CMSS1: variants seen among roughly 807,000 people sequenced by gnomAD.
CMSS1 encodes the protein cms1 ribosomal small subunit homolog, also known as protein CMSS1.
CMSS1 carries 33 observed loss-of-function variants against 43.5 expected under a neutral mutation model. That is an observed-to-expected ratio of 0.76 (90% CI 0.57 to 1.01). CMSS1 has a LOEUF of 1.01. Among genes scored for constraint, CMSS1 ranks in the 50% least tolerant of loss-of-function variants. The pLI is 0.00. For missense variants in CMSS1, 313 were observed against 326.4 expected, an observed-to-expected ratio of 0.96 and a Z score of 0.32; for synonymous variants, 115 against 117.2, an observed-to-expected ratio of 0.98 and a Z score of 0.12.
At chr3:99,822,277 C>T (rs943743354) in intron 1 of CMSS1, among the ~76,000 whole-genome samples, 2 of 152,310 alleles carry the variant, frequency 1.3e-5, no homozygotes, top group East Asian at 3.9e-4. Context: ...ATGTTCTTAG[C>T]AGTCTGTAAC....
intron 1 of CMSS1, among the ~76,000 whole-genome samples, chr3:100,124,949 C>T (rs1483035068): frequency 6.6e-6 from 1 of 152,160 alleles, no homozygotes; most frequent in African/African-American, 2.4e-5. Flanking sequence ...TGCACAATCC[C>T]TCAGGCACTG....
chr3:99,889,442 T>G (rs1391115834), intron 1 of CMSS1, among the ~76,000 whole-genome samples: 1 of 152,124 alleles, frequency 6.6e-6, no homozygotes, highest in African/African-American at 2.4e-5. Flanking sequence ...CCTTTTACTT[T>G]CAGCTTTACC....
intron 1 of CMSS1, among the ~76,000 whole-genome samples, chr3:99,868,598 A>G (rs944792724): frequency 3.9e-5 from 6 of 152,250 alleles, no homozygotes; most frequent in African/African-American, 7.2e-5. Context: ...TCCTTTCTGC[A>G]TAAGTCCAGG....
intron 1 of CMSS1, among the ~76,000 whole-genome samples, chr3:99,859,906 T>A (rs1488923410): frequency 6.6e-6 from 1 of 152,242 alleles, no homozygotes; most frequent in African/African-American, 2.4e-5. Context: ...ATTCTGTGTA[T>A]GCTGCTTCCT....
chr3:100,171,395 A>C (rs557143805), intron 6 of CMSS1, among the ~76,000 whole-genome samples: 1 of 151,912 alleles, frequency 6.6e-6, no homozygotes, highest in South Asian at 2.1e-4. Flanking sequence ...TGGCCACCAC[A>C]GGCAGACCTT....
chr3:100,142,220 T>A (rs1327666643), intron 1 of CMSS1, among the ~76,000 whole-genome samples: 1 of 152,156 alleles, frequency 6.6e-6, no homozygotes, highest in Non-Finnish European at 1.5e-5. Context: ...GTGCCACACA[T>A]CTTTAAAAAT....
chr3:99,903,545 C>T (rs568537009), intron 1 of CMSS1, among the ~76,000 whole-genome samples: 11 of 152,136 alleles, frequency 7.2e-5, no homozygotes, highest in African/African-American at 1.9e-4. Flanking sequence ...CCACCGCGCC[C>T]GGCCATGTAT....
chr3:99,933,405 G>A (rs942340530), intron 1 of CMSS1, among the ~76,000 whole-genome samples: 1 of 152,160 alleles, frequency 6.6e-6, no homozygotes, highest in Non-Finnish European at 1.5e-5. Flanking sequence ...AGGAATGGGA[G>A]GTTGGGGATG....
chr3:99,955,974 C>T (rs1708309371), intron 1 of CMSS1, among the ~76,000 whole-genome samples: 2 of 152,156 alleles, frequency 1.3e-5, no homozygotes, highest in Non-Finnish European at 2.9e-5. Flanking sequence ...GCCTAACTCC[C>T]GGACTTGACC....
chr3:99,998,023 C>G (rs1336578218), intron 1 of CMSS1, among the ~76,000 whole-genome samples: 2 of 152,182 alleles, frequency 1.3e-5, no homozygotes, highest in African/African-American at 2.4e-5. Context: ...AACCAGTTAA[C>G]TGGTGTGGAA....
chr3:99,838,903 T>A (rs1354249258), intron 1 of CMSS1, among the ~76,000 whole-genome samples: 1 of 152,170 alleles, frequency 6.6e-6, no homozygotes, highest in African/African-American at 2.4e-5. Flanking sequence ...ACACAGAGAC[T>A]CCCTAGTGCT....
At chr3:99,866,829 A>G (rs1355965160) in intron 1 of CMSS1, among the ~76,000 whole-genome samples, 1 of 152,138 alleles carries the variant, frequency 6.6e-6, no homozygotes, top group Non-Finnish European at 1.5e-5. Flanking sequence ...CAGGTGGAAA[A>G]GTTTTATTCT....
At chr3:99,950,795 AG>A (rs1281216759) in intron 1 of CMSS1, among the ~76,000 whole-genome samples, 1 of 152,200 alleles carries the variant, frequency 6.6e-6, no homozygotes, top group Non-Finnish European at 1.5e-5. Context: ...CTGGAGACTT[AG>A]GTAAATATTC....
chr3:99,883,008 A>G (rs532563556), intron 1 of CMSS1, among the ~76,000 whole-genome samples: 18 of 150,192 alleles, frequency 1.2e-4, no homozygotes, highest in African/African-American at 3.1e-4. Context: ...ATGCTTGCCA[A>G]TTGGGGGTTC....
intron 1 of CMSS1, among the ~76,000 whole-genome samples, chr3:99,844,262 A>G (rs956209553): frequency 3.3e-5 from 5 of 152,176 alleles, no homozygotes; most frequent in Non-Finnish European, 5.9e-5. Context: ...CTACGCCCCC[A>G]GAGGTTCTCA....
At chr3:99,966,514 C>T (rs554100387) in intron 1 of CMSS1, among the ~76,000 whole-genome samples, 4 of 152,212 alleles carry the variant, frequency 2.6e-5, no homozygotes, top group African/African-American at 7.2e-5. Flanking sequence ...CAAAATAGTA[C>T]GGAGACTTAG....
At chr3:100,148,359 C>A (rs758634092) in intron 2 of CMSS1, among the ~76,000 whole-genome samples, 1 of 152,210 alleles carries the variant, frequency 6.6e-6, no homozygotes, top group Non-Finnish European at 1.5e-5. Flanking sequence ...GGATTACAGG[C>A]ATGAGCCGCA....
At chr3:99,984,333 A>G (rs1709268860) in intron 1 of CMSS1, among the ~76,000 whole-genome samples, 1 of 152,248 alleles carries the variant, frequency 6.6e-6, no homozygotes, top group South Asian at 2.1e-4. Flanking sequence ...AGAGCCAAGA[A>G]TGAAAACCAC....
Position 100,047,216 on chromosome 3 carries a change from A to G in CMSS1, c.65-99757A>G, listed in dbSNP as rs962794767. On this transcript the variant is annotated intron_variant, in intron 1 of 9. Transcript: ENST00000421999. ...TAAGGAAGTGAAACTAGTAAAAACT[A>G]TCGGAGGGAAGTGTTGTTATTTTCT... 2.0e-5 allele frequency among the ~76,000 whole-genome samples: 3 copies of G among 152,212 alleles called. No homozygotes were observed. In the South Asian group the frequency reaches 6.2e-4, roughly 32 times the overall value.
Sources: allele counts gnomAD v4.1 joint callset (sites outside exome capture counted in the v4.1 genomes callset), GRCh38; gene constraint gnomAD v4.1.1; transcripts MANE v1.5; gene names NCBI Gene and HGNC (gene_info 2026-07-23, HGNC 2026-07-21).